CSMD1: variants seen among roughly 807,000 people sequenced by gnomAD.
CSMD1 encodes CUB and sushi domain-containing protein 1.
A neutral mutation model predicts 417.5 loss-of-function variants in CSMD1; 213 were observed. The ratio of observed to expected loss-of-function variants is 0.51; its 90% confidence interval spans 0.46 to 0.57. CSMD1 has a LOEUF of 0.57. CSMD1 is among the 20% of genes least tolerant of loss of function. The pLI is 0.00. For synonymous variants in CSMD1, 2,862 were observed against 1,736.8 expected (o/e 1.65, Z -16.11); for missense variants, 6,923 against 4,529.7 (o/e 1.53, Z -15.17).
intron 4 of CSMD1, among the ~76,000 whole-genome samples, chr8:4,003,001 C>G (rs554832610): frequency 2.6e-5 from 4 of 151,598 alleles, no homozygotes; most frequent in Non-Finnish European, 4.4e-5. Flanking sequence ...TTAATTTTTT[C>G]AAAATAAATG....
At chr8:4,306,800 C>T (rs1245723865) in intron 3 of CSMD1, among the ~76,000 whole-genome samples, 1 of 151,344 alleles carries the variant, frequency 6.6e-6, no homozygotes, top group Non-Finnish European at 1.5e-5. Context: ...CTTCCATTCT[C>T]CATAGCACCA....
chr8:4,968,572 C>A (rs531733091), intron 1 of CSMD1, among the ~76,000 whole-genome samples: 9 of 151,858 alleles, frequency 5.9e-5, no homozygotes, highest in Non-Finnish European at 1.2e-4. Flanking sequence ...TTTTCCGGGC[C>A]TGAACCAAAG....
In CSMD1 at chr8:3,068,011, G is replaced by C. The variant is rs531706235; in HGVS notation, c.7475-15364C>G. Among the ~76,000 whole-genome samples the C allele has an allele frequency of 5.9e-5, 9 of 152,082 alleles. 1 individual carries two copies. The South Asian group carries it at 1.9e-3, about 32-fold the overall frequency. ...CCCAATAACAGAATGGCTTTTTGTT[G>C]TAATAAATAAAATAAAAAATATTTT... On this transcript the variant is annotated intron_variant, in intron 49 of 69. Coordinates refer to ENST00000635120, the MANE Select transcript of CSMD1 (RefSeq NM_033225.6).
intron 1 of CSMD1, among the ~76,000 whole-genome samples, chr8:4,682,366 A>G (rs1383603593): frequency 6.6e-6 from 1 of 152,132 alleles, no homozygotes; most frequent in Admixed American, 6.6e-5. Context: ...AGAATGCTGT[A>G]TTTAAATTAC....
intron 2 of CSMD1, among the ~76,000 whole-genome samples, chr8:4,635,782 G>T (rs775063018): frequency 6.6e-6 from 1 of 152,016 alleles, no homozygotes; most frequent in Non-Finnish European, 1.5e-5. Flanking sequence ...AAATTAGCAA[G>T]TATTGTATAT....
At position 4,309,753 on chromosome 8, in the gene CSMD1, T is replaced by C. The variant is rs370783149; in HGVS notation, c.415+110200A>G. Among the ~76,000 whole-genome samples, 12 of 152,290 alleles carry C rather than the reference T, an allele frequency of 7.9e-5. No individual in the cohort carries two copies. The South Asian group carries it at 2.5e-3, about 32-fold the overall frequency. ...AAAATAACCTATCACAGTCTATTGA[T>C]ATTAACGTTTTACTAGATCAATGAA... On this transcript the variant is annotated intron_variant, in intron 3 of 69. Coordinates refer to ENST00000635120, the MANE Select transcript of CSMD1 (RefSeq NM_033225.6).
chr8:4,095,395 A>C (rs576938119), intron 3 of CSMD1, among the ~76,000 whole-genome samples: 3 of 143,090 alleles, frequency 2.1e-5, no homozygotes, highest in Non-Finnish European at 3.1e-5. Flanking sequence ...ACAAAAAAGT[A>C]AAAAAGAAAA....
chr8:3,971,153 C>A (rs1190935737), intron 5 of CSMD1, among the ~76,000 whole-genome samples: 4 of 147,772 alleles, frequency 2.7e-5, no homozygotes, highest in Non-Finnish European at 4.5e-5. Context: ...ATTCTATTTA[C>A]GCTGCCTCCT....
intron 2 of CSMD1, among the ~76,000 whole-genome samples, chr8:4,519,336 A>C (rs1167873206): frequency 6.6e-6 from 1 of 152,190 alleles, no homozygotes; most frequent in African/African-American, 2.4e-5. Context: ...TTATGGTTCA[A>C]TGATAAAAAT....
chr8:4,122,965 G>A (rs371333079), intron 3 of CSMD1, among the ~76,000 whole-genome samples: 3 of 152,232 alleles, frequency 2.0e-5, no homozygotes, highest in African/African-American at 7.2e-5. Flanking sequence ...ACTGTGGCTA[G>A]ACCTACGGTG....
chr8:3,457,351 C>T (rs1288910129), intron 12 of CSMD1, among the ~76,000 whole-genome samples: 1 of 152,200 alleles, frequency 6.6e-6, no homozygotes, highest in Non-Finnish European at 1.5e-5. Context: ...TCTGAAGCTG[C>T]CTAACTTCTT....
chr8:4,668,311 T>G (rs1260381867), intron 1 of CSMD1, among the ~76,000 whole-genome samples: 2 of 151,920 alleles, frequency 1.3e-5, no homozygotes, highest in East Asian at 1.9e-4. Context: ...TTAGCTTTCT[T>G]GGATGATCAC....
At chr8:4,228,857 T>C (rs1048659611) in intron 3 of CSMD1, among the ~76,000 whole-genome samples, 1 of 151,996 alleles carries the variant, frequency 6.6e-6, no homozygotes, top group African/African-American at 2.4e-5. Context: ...AATTTTTGTA[T>C]TTTTAGTAGA....
At chr8:4,108,133 G>C (rs1021667343) in intron 3 of CSMD1, among the ~76,000 whole-genome samples, 1 of 151,958 alleles carries the variant, frequency 6.6e-6, no homozygotes, top group Non-Finnish European at 1.5e-5. Context: ...GGAGGGTAGG[G>C]AAGGGGAGAA....
chr8:4,441,501 G>C (rs1798481249), intron 2 of CSMD1, among the ~76,000 whole-genome samples: 1 of 151,958 alleles, frequency 6.6e-6, no homozygotes, highest in Non-Finnish European at 1.5e-5. Context: ...TTTACAGAGA[G>C]AGAATGCATT....
chr8:4,140,392 G>T (rs140467123), intron 3 of CSMD1, among the ~76,000 whole-genome samples: 2 of 150,890 alleles, frequency 1.3e-5, no homozygotes, highest in Non-Finnish European at 2.9e-5. Flanking sequence ...CAGCTACTTC[G>T]GAGCCTGAAG....
intron 12 of CSMD1, among the ~76,000 whole-genome samples, chr8:3,442,278 T>C (rs755161952): frequency 3.9e-5 from 6 of 152,152 alleles, no homozygotes; most frequent in Non-Finnish European, 5.9e-5. Flanking sequence ...TATAAATAAA[T>C]GTACTGTAGC....
intron 5 of CSMD1, among the ~76,000 whole-genome samples, chr8:3,996,722 T>A (rs755727662): frequency 6.6e-6 from 1 of 152,142 alleles, no homozygotes; most frequent in Non-Finnish European, 1.5e-5. Context: ...AAAGACAATC[T>A]AGGTAGAATT....
chr8:4,913,661 G>A (rs540733786), intron 1 of CSMD1, among the ~76,000 whole-genome samples: 1 of 152,264 alleles, frequency 6.6e-6, no homozygotes, highest in Non-Finnish European at 1.5e-5. Context: ...CAGATGTACT[G>A]TGCAGATTAG....
Sources: allele counts gnomAD v4.1 joint callset (sites outside exome capture counted in the v4.1 genomes callset), GRCh38; gene constraint gnomAD v4.1.1; transcripts MANE v1.5; gene names NCBI Gene and HGNC (gene_info 2026-07-23, HGNC 2026-07-21).